The following ELMOD2 variants were observed in gnomAD, a reference collection of about 807,000 sequenced individuals.
The protein encoded by ELMOD2 is ELMO domain-containing protein 2.
A neutral mutation model predicts 41.0 loss-of-function variants in ELMOD2; 28 were observed. The ratio of observed to expected loss-of-function variants is 0.68; its 90% confidence interval spans 0.51 to 0.94. The LOEUF is 0.94. Among genes scored for constraint, ELMOD2 ranks in the 40% least tolerant of loss-of-function variants. The pLI, the probability that ELMOD2 is intolerant of heterozygous loss-of-function variation, is 0.00. For missense variants in ELMOD2, 333 were observed against 343.1 expected, an observed-to-expected ratio of 0.97 and a Z score of 0.23; for synonymous variants, 106 against 107.2, an observed-to-expected ratio of 0.99 and a Z score of 0.07.
chr4:140,541,550 T>TA (rs1406908437), intron 6 of ELMOD2, among the ~76,000 whole-genome samples: 4 of 152,186 alleles, frequency 2.6e-5, no homozygotes, highest in Non-Finnish European at 5.9e-5. Flanking sequence ...GTAGAAAAAT[T>TA]AGAGACTTAG....
Position 140,535,721 on chromosome 4 carries a change from T to C in ELMOD2, c.172-12T>C, listed in dbSNP as rs763590402. On this transcript the variant is annotated splice_polypyrimidine_tract_variant and intron_variant, in intron 3 of 8. Coordinates refer to ENST00000323570, the MANE Select transcript of ELMOD2 (RefSeq NM_153702.4). ...AGAATTTTTCTCATTTGGCTTTCTT[T>C]TACATAAATAGGTTTTACAGAAGGC... 6 of 1,602,722 alleles carry C rather than the reference T, an allele frequency of 3.7e-6. No homozygotes were observed. The highest frequency in any genetic ancestry group is 1.8e-5 in the Admixed American group (1 of 56,894).
At chr4:140,547,539 AT>A (rs1735329030) in intron 8 of ELMOD2, among the ~76,000 whole-genome samples, 1 of 152,266 alleles carries the variant, frequency 6.6e-6, no homozygotes, top group African/African-American at 2.4e-5. Flanking sequence ...CCAAAAAAAA[AT>A]AGTAACACCT....
chr4:140,553,182 C>T lies in ELMOD2; in HGVS notation c.*2807C>T, dbSNP rs965481881. 1.1e-4 allele frequency: 16 copies of T among 152,090 alleles called. No individual in the cohort carries two copies. The highest frequency in any genetic ancestry group is 3.1e-4 in the African/African-American group (13 of 41,426). The allele number at this position is 152,090 out of a possible 1,614,324, so 9.4% of individuals were successfully genotyped here. ...GAAATACAACTTCATCAAAGATTTG[C>T]TCAAAGGAGAAGAATCGCATGAGTG... On this transcript the variant is annotated 3_prime_UTR_variant, in exon 9 of 9. Transcript: ENST00000323570.
At chr4:140,527,377 G>A in intron 2 of ELMOD2, 89 bp from the exon 3 acceptor site, 1 of 1,005,216 alleles carries the variant, frequency 9.9e-7, no homozygotes, top group Non-Finnish European at 1.5e-6. Context: ...TTTGTTACTG[G>A]TTTGATATTT....
Position 140,542,562 on chromosome 4 carries a change from TA to T in ELMOD2, c.534-9del, listed in dbSNP as rs1280882606. The T allele has an allele frequency of 1.3e-6, 2 of 1,586,176 alleles. No individual in the cohort carries two copies. Among genetic ancestry groups the T allele is most frequent in the Non-Finnish European group, 1.7e-6 (2 of 1,162,648 alleles). On this transcript the variant is annotated splice_polypyrimidine_tract_variant and intron_variant, in intron 6 of 8. Coordinates refer to ENST00000323570, the MANE Select transcript of ELMOD2 (RefSeq NM_153702.4). Reference sequence around the variant, plus strand: ...CGTACATTTGTTTGATTATTTTTCTTAAACTTTTTAGGTATTTCAGTGAAAA... The same window carrying T: ...CGTACATTTGTTTGATTATTTTTCTTAACTTTTTAGGTATTTCAGTGAAAA...
chr4:140,536,653 G>A (rs367855730), intron 4 of ELMOD2, among the ~76,000 whole-genome samples: 2 of 152,164 alleles, frequency 1.3e-5, no homozygotes, highest in African/African-American at 4.8e-5. Flanking sequence ...AGTCTTGTAT[G>A]CCATACTGAA....
At chr4:140,532,291 C>T (rs1259374152) in intron 3 of ELMOD2, among the ~76,000 whole-genome samples, 1 of 151,374 alleles carries the variant, frequency 6.6e-6, no homozygotes, top group African/African-American at 2.4e-5. Context: ...CAGTCTTTCT[C>T]GAGTAGCTGG....
intron 1 of ELMOD2, chr4:140,524,631 C>A: frequency 1.5e-5 from 15 of 985,440 alleles, no homozygotes; most frequent in Non-Finnish European, 1.8e-5. Flanking sequence ...CTTCGAACTT[C>A]GACAGTCCCT....
In ELMOD2 at chr4:140,525,471, C is replaced by T; in HGVS notation, c.43C>T (p.Arg15Ter). 6.2e-7 allele frequency: 1 copy of T among 1,612,266 alleles called. No individual in the cohort carries two copies. The highest frequency in any genetic ancestry group is 1.1e-5 in the South Asian group (1 of 90,760). ...GGAGTTCTTCTATGGGCACTTTTTTCGATTTTGGATGAAATGGCTATTACG... is the reference window on the plus strand; with the variant it reads ...GGAGTTCTTCTATGGGCACTTTTTTTGATTTTGGATGAAATGGCTATTACG... ...LWEFFYGHFF[R>*]FWMKWLLRQM... The change falls in exon 2 of 9, where the codon CGA becomes TGA. Residue 15 changes from arginine (R) to a stop codon, truncating the protein, a stop_gained. Coordinates refer to ENST00000323570, the MANE Select transcript of ELMOD2 (RefSeq NM_153702.4). LOFTEE classifies it high-confidence loss of function.
At chr4:140,532,381 G>T (rs990623299) in intron 3 of ELMOD2, among the ~76,000 whole-genome samples, 9 of 151,980 alleles carry the variant, frequency 5.9e-5, no homozygotes, top group Non-Finnish European at 8.8e-5. Flanking sequence ...TTCCCAGGCT[G>T]GTCTCAAACT....
chr4:140,539,401 G>A (rs1297850404), intron 5 of ELMOD2, among the ~76,000 whole-genome samples: 6 of 149,938 alleles, frequency 4.0e-5, no homozygotes, highest in Non-Finnish European at 5.9e-5. Context: ...TTGCTCTGTC[G>A]CCCAGGCTGG....
rs759626668 is a variant in ELMOD2, at chr4:140,525,389, T to A, written c.-9-31T>A. Reference sequence around the variant, plus strand: ...ATTTTAAAATTCAGTTTAAGGTCATTAAGCTTGTCTTGTATGTTTCCCTCC... The same window carrying A: ...ATTTTAAAATTCAGTTTAAGGTCATAAAGCTTGTCTTGTATGTTTCCCTCC... On this transcript the variant is annotated intron_variant, in intron 1 of 8. Coordinates refer to ENST00000323570, the MANE Select transcript of ELMOD2 (RefSeq NM_153702.4). 3 of 1,597,636 alleles carry A rather than the reference T, an allele frequency of 1.9e-6. No homozygotes were observed. The East Asian group carries it at 6.7e-5, about 36-fold the overall frequency.
At chr4:140,532,328 G>T (rs548836616) in intron 3 of ELMOD2, among the ~76,000 whole-genome samples, 1 of 151,996 alleles carries the variant, frequency 6.6e-6, no homozygotes, top group African/African-American at 2.4e-5. Context: ...CACCATGCCT[G>T]GCTAATTTTT....
At chr4:140,525,163 T>C in intron 1 of ELMOD2, 1 of 299,662 alleles carries the variant, frequency 3.3e-6, no homozygotes, top group Non-Finnish European at 6.1e-6. Context: ...TCTGTTACTC[T>C]TTCAAGCCAT....
intron 5 of ELMOD2, among the ~76,000 whole-genome samples, chr4:140,538,507 G>A (rs1340968332): frequency 2.6e-5 from 4 of 152,102 alleles, no homozygotes; most frequent in African/African-American, 9.7e-5. Flanking sequence ...TTGTATGGAG[G>A]AGTTTTTATA....
chr4:140,552,463 T>A lies in ELMOD2; in HGVS notation c.*2088T>A, dbSNP rs1407526411. The stretch of plus-strand genomic sequence containing the variant: ...TACAGCAAATTGATCTAAAAGCCAC[T>A]AATAAATTCTAGGGTTTGAGTCTAG... On this transcript the variant is annotated 3_prime_UTR_variant, in exon 9 of 9. Transcript: ENST00000323570. 6.6e-6 allele frequency: 1 copy of A among 152,100 alleles called. No individual in the cohort carries two copies. Among genetic ancestry groups the A allele is most frequent in the Non-Finnish European group, 1.5e-5 (1 of 67,950 alleles). The allele number at this position is 152,100 out of a possible 1,614,324, so 9.4% of individuals were successfully genotyped here.
intron 3 of ELMOD2, among the ~76,000 whole-genome samples, chr4:140,528,652 G>A (rs902094645): frequency 7.2e-5 from 11 of 152,092 alleles, no homozygotes; most frequent in East Asian, 5.8e-4. Flanking sequence ...ATTATGAATC[G>A]TGCCAGAAAT....
At position 140,550,380 on chromosome 4, in the gene ELMOD2, T is replaced by C. The variant is rs780385756; in HGVS notation, c.*5T>C. ...GCACTTACTTTAAAAGTATAAATCA[T>C]CCACTGTATCTTCTATTTCTACCAC... On this transcript the variant is annotated 3_prime_UTR_variant, in exon 9 of 9. Coordinates refer to ENST00000323570, the MANE Select transcript of ELMOD2 (RefSeq NM_153702.4). 1.1e-5 allele frequency: 18 copies of C among 1,590,956 alleles called. No homozygotes were observed. The highest frequency in any genetic ancestry group is 1.5e-5 in the Non-Finnish European group (18 of 1,171,470).
At chr4:140,545,904 C>A (rs1735260715) in intron 8 of ELMOD2, among the ~76,000 whole-genome samples, 1 of 152,136 alleles carries the variant, frequency 6.6e-6, no homozygotes, top group Non-Finnish European at 1.5e-5. Flanking sequence ...TAAACTAGTT[C>A]AACCATTGTG....
Sources: gnomAD v4.1 joint callset for allele counts (sites outside exome capture counted in the v4.1 genomes callset) on GRCh38, gnomAD v4.1.1 for gene constraint, MANE v1.5 for transcripts, NCBI Gene and HGNC (gene_info 2026-07-23, HGNC 2026-07-21) for gene names.